The following ITK variants were observed in gnomAD, a reference collection of about 807,000 sequenced individuals.
ITK encodes the protein IL2 inducible T cell kinase, also known as tyrosine-protein kinase ITK/TSK.
Under a neutral mutation model 87.6 loss-of-function variants are expected in ITK, and 45 were observed. The ratio of observed to expected loss-of-function variants is 0.51; its 90% confidence interval spans 0.40 to 0.66. The LOEUF is 0.66. Among genes scored for constraint, ITK ranks in the 30% least tolerant of loss-of-function variants. The pLI is 0.00. For missense variants in ITK, 605 were observed against 766.3 expected, an observed-to-expected ratio of 0.79 and a Z score of 2.48; for synonymous variants, 303 against 273.6, an observed-to-expected ratio of 1.11 and a Z score of -1.06.
At chr5:157,241,454 C>T in intron 10 of ITK, 192 bp from the exon 11 acceptor site, 2 of 554,838 alleles carry the variant, frequency 3.6e-6, no homozygotes, top group Non-Finnish European at 6.5e-6. Flanking sequence ...TGGAATTTTA[C>T]CACTTGCCCA....
At chr5:157,241,562 T>G in intron 10 of ITK, 84 bp from the exon 11 acceptor site, 2 of 937,074 alleles carry the variant, frequency 2.1e-6, no homozygotes, top group Non-Finnish European at 3.5e-6. Flanking sequence ...CTGATGATGA[T>G]TATTATTTTT....
chr5:157,223,371 G>A (rs974092440), intron 6 of ITK, among the ~76,000 whole-genome samples: 1 of 151,936 alleles, frequency 6.6e-6, no homozygotes, highest in Non-Finnish European at 1.5e-5. Flanking sequence ...TGAGGCTGAA[G>A]GTACATCCCA....
chr5:157,199,514 G>A (rs932952700), intron 1 of ITK: 4 of 152,182 alleles, frequency 2.6e-5, no homozygotes, highest in Admixed American at 6.5e-5. Flanking sequence ...GCGAGTCCAT[G>A]GCTTGGTGAA....
rs183705495 is a variant in ITK at position 157,183,239 on chromosome 5, C to T, written c.138+2124C>T. 8.5e-3 allele frequency among the ~76,000 whole-genome samples: 1,300 copies of T among 152,148 alleles called. 8 individuals carry two copies. The highest frequency in any genetic ancestry group is 0.019 in the Admixed American group (291 of 15,254). ...CTTAGGTATACTACATGGTTTCAGG[C>T]CACCAATTTGCACACAAGGCTGCAT... On this transcript the variant is annotated intron_variant, in intron 1 of 16. Coordinates refer to ENST00000422843, the MANE Select transcript of ITK (RefSeq NM_005546.4).
intron 1 of ITK, among the ~76,000 whole-genome samples, chr5:157,188,212 C>T (rs1753684578): frequency 6.6e-6 from 1 of 152,198 alleles, no homozygotes; most frequent in Non-Finnish European, 1.5e-5. Context: ...AGCTGGGCTT[C>T]TGCTGGCATT....
At chr5:157,249,969 G>GTACAGAGT (rs1241365647) in intron 16 of ITK, among the ~76,000 whole-genome samples, 3 of 152,016 alleles carry the variant, frequency 2.0e-5, no homozygotes, top group African/African-American at 7.3e-5. Context: ...TTAACAAAGA[G>GTACAGAGT]TACAGAGTTC....
chr5:157,213,083 A>G (rs983762376), intron 3 of ITK, among the ~76,000 whole-genome samples: 8 of 152,190 alleles, frequency 5.3e-5, no homozygotes, highest in African/African-American at 1.7e-4. Flanking sequence ...TATAATGAAA[A>G]GAGGTTTAAT....
In ITK at chr5:157,253,716, G is replaced by A. The variant is rs991585724; in HGVS notation, c.*1038G>A. ...CAATTGAAACTTGTTTAGGCCCTAG[G>A]GTTGAGCAATTTTAAGGTTGAGACT... On this transcript the variant is annotated 3_prime_UTR_variant, in exon 17 of 17. Transcript: ENST00000422843. The A allele has an allele frequency of 2.3e-5, 5 of 221,004 alleles. No individual in the cohort carries two copies. Among genetic ancestry groups the A allele is most frequent in the African/African-American group, 1.1e-4 (5 of 44,604 alleles). The allele number at this position is 221,004 out of a possible 1,614,324, so 13.7% of individuals were successfully genotyped here.
At chr5:157,210,178 C>A (rs536504528) in intron 2 of ITK, among the ~76,000 whole-genome samples, 1 of 152,126 alleles carries the variant, frequency 6.6e-6, no homozygotes, top group Non-Finnish European at 1.5e-5. Flanking sequence ...CCCGCCTCGG[C>A]CTCCCAAAGT....
intron 5 of ITK, 87 bp downstream of exon 5, chr5:157,217,994 T>C (rs1397289834): frequency 2.3e-5 from 27 of 1,181,648 alleles, no homozygotes; most frequent in South Asian, 1.2e-5. Flanking sequence ...CCTCTCCCCA[T>C]AGTTTTCAAA....
intron 8 of ITK, 122 bp downstream of exon 8, chr5:157,232,516 A>C: frequency 1.9e-6 from 1 of 519,062 alleles, no homozygotes. Context: ...CAGGAGTTCA[A>C]GGTTACAGTG....
rs1422351815 is a variant in ITK at position 157,211,267 on chromosome 5, C to G, written c.244-20C>G. ...CTCCATGCACGCTGCTCACCTTGAA[C>G]TCTGTGTGTGTGTCTCCAGGTGGTG... is the stretch of plus-strand genomic sequence containing the variant. On this transcript the variant is annotated intron_variant, in intron 2 of 16. Coordinates refer to ENST00000422843, the MANE Select transcript of ITK (RefSeq NM_005546.4). 8 of 1,605,356 alleles carry G rather than the reference C, an allele frequency of 5.0e-6. No homozygotes were observed. Among genetic ancestry groups the G allele is most frequent in the African/African-American group, 1.3e-5 (1 of 74,880 alleles).
intron 9 of ITK, among the ~76,000 whole-genome samples, chr5:157,239,257 C>T (rs892417562): frequency 5.3e-5 from 8 of 152,148 alleles, no homozygotes; most frequent in East Asian, 1.9e-4. Context: ...AAATCAGCAA[C>T]GGGAAAAGAC....
intron 3 of ITK, 93 bp downstream of exon 3, chr5:157,211,461 G>A: frequency 9.6e-7 from 1 of 1,039,192 alleles, no homozygotes; most frequent in South Asian, 1.3e-5. Context: ...TGTGAGAGCA[G>A]CTGATGGCTG....
At chr5:157,201,736 C>CAAA (rs34192469) in intron 1 of ITK, among the ~76,000 whole-genome samples, 2 of 114,458 alleles carry the variant, frequency 1.7e-5, no homozygotes, top group Non-Finnish European at 3.9e-5. Context: ...TAATTTTCCA[C>CAAA]AAAAAAAAAA....
intron 6 of ITK, 99 bp downstream of exon 6, chr5:157,223,113 G>A (rs756320200): frequency 1.2e-5 from 17 of 1,395,420 alleles, no homozygotes; most frequent in Admixed American, 1.7e-5. Flanking sequence ...TGTAACCACA[G>A]CACTGAGGTG....
intron 16 of ITK, 47 bp downstream of exon 16, chr5:157,249,054 GGACCTCCCTCCTTCCCTA>G: frequency 6.5e-7 from 1 of 1,543,560 alleles, no homozygotes; most frequent in Non-Finnish European, 9.0e-7. Flanking sequence ...TACAATTTGA[GGACCTCCCTCCTTCCCTA>G]GAGAAAGGAA....
Position 157,196,246 on chromosome 5 carries a change from A to T in ITK, c.139-12643A>T, listed in dbSNP as rs531095713. ...ATCTGTTATTTTGTTGACTATGAGC[A>T]AATTACTCTCTACAGAAGTTGTACC... On this transcript the variant is annotated intron_variant, in intron 1 of 16. Coordinates refer to ENST00000422843, the MANE Select transcript of ITK (RefSeq NM_005546.4). Among the ~76,000 whole-genome samples the T allele has an allele frequency of 2.0e-5, 3 of 152,340 alleles. No homozygotes were observed. In the East Asian group the frequency reaches 5.8e-4, roughly 29 times the overall value.
intron 1 of ITK, 30 bp downstream of exon 1, chr5:157,181,145 C>T (rs762676771): frequency 2.5e-6 from 4 of 1,612,730 alleles, no homozygotes; most frequent in Admixed American, 3.3e-5. Context: ...TGTCTTTTTT[C>T]GCATAGCATT....
Sources: allele counts gnomAD v4.1 joint callset (sites outside exome capture counted in the v4.1 genomes callset), GRCh38; gene constraint gnomAD v4.1.1; transcripts MANE v1.5; gene names NCBI Gene and HGNC (gene_info 2026-07-23, HGNC 2026-07-21).